RASA2: variants seen among roughly 807,000 people sequenced by gnomAD.
RASA2 encodes the protein RAS p21 protein activator 2, also known as ras GTPase-activating protein 2.
A neutral mutation model predicts 118.2 loss-of-function variants in RASA2; 155 were observed. The ratio of observed to expected loss-of-function variants is 1.31; its 90% confidence interval spans 1.15 to 1.50. RASA2 has a LOEUF of 1.50. Ranked by LOEUF, RASA2 falls within the 40% of genes most tolerant of loss-of-function variation. The probability of loss-of-function intolerance (pLI) is 0.00; values close to 1 mark genes in which losing one functional copy is unlikely to be tolerated. For synonymous variants in RASA2, 353 were observed against 349.1 expected (o/e 1.01, Z -0.12); for missense variants, 1,016 against 1,009.6 (o/e 1.01, Z -0.09).
intron 1 of RASA2, among the ~76,000 whole-genome samples, chr3:141,506,546 A>G (rs2081869621): frequency 1.3e-5 from 2 of 152,212 alleles, no homozygotes; most frequent in South Asian, 4.1e-4. Flanking sequence ...GGGTCAAACT[A>G]TGATTTGTGA....
intron 17 of RASA2, among the ~76,000 whole-genome samples, chr3:141,583,613 A>G (rs2083151707): frequency 1.3e-5 from 2 of 151,646 alleles, no homozygotes; most frequent in South Asian, 4.1e-4. Flanking sequence ...CATTACCCAC[A>G]TATAATGCAA....
At chr3:141,597,126 C>T (rs769837050) in intron 19 of RASA2, among the ~76,000 whole-genome samples, 69 of 152,114 alleles carry the variant, frequency 4.5e-4, no homozygotes, top group Non-Finnish European at 7.8e-4. Flanking sequence ...ACAGGCTGGG[C>T]GTGGTGGCTC....
intron 17 of RASA2, among the ~76,000 whole-genome samples, chr3:141,581,701 T>G (rs2107771086): frequency 6.6e-6 from 1 of 152,252 alleles, no homozygotes; most frequent in African/African-American, 2.4e-5. Flanking sequence ...ATTGCCATAG[T>G]AAAAAATATA....
chr3:141,533,323 G>A (rs925168751), intron 4 of RASA2, among the ~76,000 whole-genome samples: 1 of 152,180 alleles, frequency 6.6e-6, no homozygotes, highest in African/African-American at 2.4e-5. Flanking sequence ...GGTTTGAGTA[G>A]AGGAAATGAA....
chr3:141,591,657 A>T (rs2083286523), intron 19 of RASA2, among the ~76,000 whole-genome samples: 1 of 152,222 alleles, frequency 6.6e-6, no homozygotes, highest in Non-Finnish European at 1.5e-5. Context: ...TGTAGAATTT[A>T]ATTAGATATT....
chr3:141,610,153 C>G, intron 23 of RASA2, 87 bp downstream of exon 23: 1 of 1,172,584 alleles, frequency 8.5e-7, no homozygotes, highest in Non-Finnish European at 1.2e-6. Flanking sequence ...CTCCTGCTCA[C>G]CCACATCTGT....
Position 141,555,175 on chromosome 3 carries a change from C to T in RASA2, c.612-665C>T, listed in dbSNP as rs144777246. Among the ~76,000 whole-genome samples the T allele has an allele frequency of 5.2e-3, 786 of 152,262 alleles. 10 individuals are homozygous for T. The highest frequency in any genetic ancestry group is 0.018 in the African/African-American group (743 of 41,552). On this transcript the variant is annotated intron_variant, in intron 6 of 23. Coordinates refer to ENST00000286364, the MANE Select transcript of RASA2 (RefSeq NM_006506.5). ...ACTCGGGAGGCTGAGGCAGGAGAATCGCTTGAACCCTGAGGCGAAGGTTAT... is the reference window on the plus strand; with the variant it reads ...ACTCGGGAGGCTGAGGCAGGAGAATTGCTTGAACCCTGAGGCGAAGGTTAT...
chr3:141,606,800 A>G (rs1366635626), intron 19 of RASA2, among the ~76,000 whole-genome samples: 4 of 152,182 alleles, frequency 2.6e-5, no homozygotes, highest in Non-Finnish European at 5.9e-5. Flanking sequence ...GTTAAATAAT[A>G]TAAAATGCAA....
At chr3:141,608,384 T>C in intron 20 of RASA2, 105 bp from the exon 21 acceptor site, 1 of 1,084,404 alleles carries the variant, frequency 9.2e-7, no homozygotes, top group Non-Finnish European at 1.4e-6. Context: ...GCACCAGTTA[T>C]CTAGCCAAGC....
chr3:141,576,965 T>C (rs1289039188), intron 14 of RASA2, 35 bp from the exon 15 acceptor site: 11 of 1,346,954 alleles, frequency 8.2e-6, no homozygotes, highest in Admixed American at 2.1e-5. Flanking sequence ...TTTAATTGTT[T>C]TTGTGCATGA....
intron 4 of RASA2, 74 bp from the exon 5 acceptor site, chr3:141,540,459 T>C: frequency 2.4e-6 from 3 of 1,256,622 alleles, no homozygotes; most frequent in Non-Finnish European, 3.4e-6. Flanking sequence ...CTGTGGTGAT[T>C]TGAAAAGGCA....
At chr3:141,526,125 A>G (rs2082180963) in intron 3 of RASA2, 1 of 152,232 alleles carries the variant, frequency 6.6e-6, no homozygotes, top group Non-Finnish European at 1.5e-5. Flanking sequence ...AGCTTTCCTC[A>G]TCTGTAAGAT....
At chr3:141,560,671 T>G (rs1193589196) in intron 9 of RASA2, among the ~76,000 whole-genome samples, 2 of 151,942 alleles carry the variant, frequency 1.3e-5, no homozygotes, top group South Asian at 2.1e-4. Flanking sequence ...GAAACTATTG[T>G]TTTTTTTCTG....
At chr3:141,494,157 AAT>A (rs1424581488) in intron 1 of RASA2, among the ~76,000 whole-genome samples, 1 of 152,214 alleles carries the variant, frequency 6.6e-6, no homozygotes, top group Non-Finnish European at 1.5e-5. Flanking sequence ...TGTCATTTTT[AAT>A]ATGAGTGTCT....
intron 1 of RASA2, among the ~76,000 whole-genome samples, chr3:141,494,021 A>G (rs2081669022): frequency 6.6e-6 from 1 of 152,238 alleles, no homozygotes; most frequent in South Asian, 2.1e-4. Context: ...TTTTTAAACA[A>G]CTGCATAATA....
chr3:141,506,427 C>T (rs539827480), intron 1 of RASA2, among the ~76,000 whole-genome samples: 2 of 152,202 alleles, frequency 1.3e-5, no homozygotes, highest in Non-Finnish European at 2.9e-5. Flanking sequence ...ACATTTCTTC[C>T]TTTCATTCAA....
chr3:141,555,411 A>AT (rs1467636429), intron 6 of RASA2, among the ~76,000 whole-genome samples: 3 of 152,144 alleles, frequency 2.0e-5, no homozygotes, highest in Admixed American at 2.0e-4. Context: ...AAATTAAAAG[A>AT]TTTTTTTAAG....
At chr3:141,588,991 G>A (rs879895907) in intron 19 of RASA2, among the ~76,000 whole-genome samples, 21 of 151,816 alleles carry the variant, frequency 1.4e-4, no homozygotes, top group Admixed American at 3.3e-4. Flanking sequence ...ACAGGCGCCC[G>A]CCACCACACC....
At chr3:141,575,148 C>T (rs796352284) in intron 14 of RASA2, among the ~76,000 whole-genome samples, 2 of 152,098 alleles carry the variant, frequency 1.3e-5, no homozygotes, top group Non-Finnish European at 2.9e-5. Context: ...CAGTCTTAAC[C>T]AGCTGTGCAA....
Sources: allele counts gnomAD v4.1 joint callset (sites outside exome capture counted in the v4.1 genomes callset), GRCh38; gene constraint gnomAD v4.1.1; transcripts MANE v1.5; gene names NCBI Gene and HGNC (gene_info 2026-07-23, HGNC 2026-07-21).